RALB: variants seen among roughly 807,000 people sequenced by gnomAD.
RALB encodes the protein ras-related protein Ral-B.
RALB carries 16 observed loss-of-function variants against 21.3 expected under a neutral mutation model. The ratio of observed to expected loss-of-function variants is 0.75; its 90% CI spans 0.51 to 1.14. The LOEUF is 1.14. Among genes scored for constraint, RALB ranks in the 50% most tolerant of loss-of-function variants. The probability of loss-of-function intolerance (pLI) is 0.00; values close to 1 mark genes in which losing one functional copy is unlikely to be tolerated. For missense variants in RALB, 161 were observed against 256.2 expected (o/e 0.63, Z 2.54); for synonymous variants, 93 against 96.1 (o/e 0.97, Z 0.19).
intron 2 of RALB, chr2:120,280,727 A>G (rs1049721920): frequency 1.1e-5 from 3 of 263,058 alleles, no homozygotes; most frequent in Non-Finnish European, 2.2e-5. Context: ...AAAAAAAAAA[A>G]CTCATGTAGT....
intron 3 of RALB, among the ~76,000 whole-genome samples, chr2:120,287,066 G>C (rs1690183076): frequency 6.6e-6 from 1 of 152,186 alleles, no homozygotes. Flanking sequence ...CAGATCTAGA[G>C]TTTAGTAGGG....
At chr2:120,262,342 T>C (rs1296109161) in intron 1 of RALB, among the ~76,000 whole-genome samples, 3 of 152,120 alleles carry the variant, frequency 2.0e-5, no homozygotes, top group Admixed American at 6.5e-5. Flanking sequence ...ATCTGCTTGA[T>C]GTGGTGTCCC....
At chr2:120,258,421 T>C (rs113800183) in intron 1 of RALB, among the ~76,000 whole-genome samples, 56 of 152,194 alleles carry the variant, frequency 3.7e-4, no homozygotes, top group African/African-American at 1.3e-3. Flanking sequence ...GGAGGAGTCC[T>C]AGGTAGGAAA....
chr2:120,278,603 C>T lies in RALB; in HGVS notation c.-47-15C>T. On this transcript the variant is annotated splice_polypyrimidine_tract_variant and intron_variant, in intron 1 of 4. Coordinates refer to ENST00000272519, the MANE Select transcript of RALB (RefSeq NM_002881.3). ...AAGCAAATCGCCTCTAAGTCTTTGT[C>T]TTTGTCATCAGCAGCTCTTCAGTGG... The T allele has an allele frequency of 6.9e-7, 1 of 1,452,880 alleles. No individual in the cohort carries two copies. Among genetic ancestry groups the T allele is most frequent in the Non-Finnish European group, 9.1e-7 (1 of 1,097,446 alleles). The allele number at this position is 1,452,880 out of a possible 1,614,324, so 90.0% of individuals were successfully genotyped here. A position where few individuals can be genotyped will look rare whatever the true frequency, so the allele number is the denominator to read the frequency against.
At chr2:120,292,037 G>T (rs17050078) in intron 4 of RALB, among the ~76,000 whole-genome samples, 26,369 of 152,188 alleles carry the variant, frequency 0.17, 3,153 homozygotes, top group African/African-American at 0.34. Flanking sequence ...CTCTTCGTAG[G>T]ATTCATATTT....
intron 1 of RALB, among the ~76,000 whole-genome samples, chr2:120,263,436 G>A (rs1459429469): frequency 6.6e-6 from 1 of 152,224 alleles, no homozygotes; most frequent in Non-Finnish European, 1.5e-5. Context: ...GGGATTACAG[G>A]CATAAGCCAC....
intron 1 of RALB, among the ~76,000 whole-genome samples, chr2:120,266,385 C>A (rs893741588): frequency 1.3e-5 from 2 of 152,200 alleles, no homozygotes; most frequent in Non-Finnish European, 2.9e-5. Flanking sequence ...GCTGGGACTA[C>A]AGGTGTGTGC....
intron 1 of RALB, among the ~76,000 whole-genome samples, chr2:120,278,409 C>T (rs1689901027): frequency 6.6e-6 from 1 of 152,130 alleles, no homozygotes; most frequent in South Asian, 2.1e-4. Flanking sequence ...CTGTTTCTCC[C>T]CTCTAGCCTT....
intron 1 of RALB, among the ~76,000 whole-genome samples, chr2:120,245,130 C>T (rs922811788): frequency 6.6e-6 from 1 of 152,172 alleles, no homozygotes; most frequent in Non-Finnish European, 1.5e-5. Flanking sequence ...AGCATGGGCT[C>T]GTTGACTGAC....
rs1491419183 is a variant in RALB, at chr2:120,288,341, A to AGTTT, written c.324-1238_324-1235dup. 6.8e-5 allele frequency among the ~76,000 whole-genome samples: 4 copies of AGTTT among 58,888 alleles called. 1 individual carries two copies. The highest frequency in any genetic ancestry group is 7.3e-5 in the Non-Finnish European group (2 of 27,508). The allele number at this position is 58,888 out of a possible 152,430, so 38.6% of individuals were successfully genotyped here. A position where few individuals can be genotyped will look rare whatever the true frequency, so the allele number is the denominator to read the frequency against. On this transcript the variant is annotated intron_variant, in intron 3 of 4. Coordinates refer to ENST00000272519, the MANE Select transcript of RALB (RefSeq NM_002881.3). Reference sequence around the variant, plus strand: ...CTTAAATTGACTACATGAAAATTTTAGTTTTTTTTTTTGTTTTTTTTTTTG... The same window carrying AGTTT: ...CTTAAATTGACTACATGAAAATTTTAGTTTGTTTTTTTTTTTGTTTTTTTTTTTG...
chr2:120,292,017 T>G (rs927517054), intron 4 of RALB, among the ~76,000 whole-genome samples: 15 of 152,330 alleles, frequency 9.8e-5, no homozygotes, highest in Middle Eastern at 3.4e-3. Context: ...CTATGAGAAA[T>G]CTCAAATGTC....
intron 2 of RALB, chr2:120,280,836 A>C (rs1465094797): frequency 2.3e-6 from 1 of 433,992 alleles, no homozygotes. Flanking sequence ...TCTCTATAGG[A>C]ATGTTTCAAA....
intron 2 of RALB, among the ~76,000 whole-genome samples, chr2:120,283,996 G>A (rs2104650522): frequency 6.6e-6 from 1 of 152,302 alleles, no homozygotes; most frequent in South Asian, 2.1e-4. Flanking sequence ...TGGAACTCTG[G>A]CTGGCTTTAT....
At chr2:120,287,529 ACT>A (rs1160235641) in intron 3 of RALB, among the ~76,000 whole-genome samples, 4 of 152,036 alleles carry the variant, frequency 2.6e-5, no homozygotes, top group African/African-American at 9.7e-5. Context: ...AGATGCACAC[ACT>A]CTCTTCTTTT....
chr2:120,277,358 T>TGA (rs1358970604), intron 1 of RALB, among the ~76,000 whole-genome samples: 2 of 79,450 alleles, frequency 2.5e-5, no homozygotes, highest in African/African-American at 1.2e-4. Context: ...AACATGTGTG[T>TGA]GAGAGCATGT....
chr2:120,257,401 A>C (rs1286819949), intron 1 of RALB, among the ~76,000 whole-genome samples: 4 of 152,212 alleles, frequency 2.6e-5, no homozygotes, highest in African/African-American at 9.6e-5. Flanking sequence ...GCTCCAGATG[A>C]AATCTTCCTG....
intron 1 of RALB, among the ~76,000 whole-genome samples, chr2:120,264,448 G>A (rs1185114557): frequency 6.6e-6 from 1 of 152,128 alleles, no homozygotes; most frequent in African/African-American, 2.4e-5. Flanking sequence ...CACCACACCT[G>A]GCCTTGTCCT....
chr2:120,244,129 G>C (rs1423527122), intron 1 of RALB, among the ~76,000 whole-genome samples: 1 of 152,184 alleles, frequency 6.6e-6, no homozygotes, highest in Non-Finnish European at 1.5e-5. Context: ...CAAACAACCA[G>C]ATCTCGTGAA....
At chr2:120,250,380 C>G (rs1316302869), upstream of RALB, among the ~76,000 whole-genome samples, 2 of 152,162 alleles carry the variant, frequency 1.3e-5, no homozygotes, top group African/African-American at 4.8e-5. Context: ...CAAGAGAGCT[C>G]TGGAGGGTCT....
Sources: allele counts gnomAD v4.1 joint callset (sites outside exome capture counted in the v4.1 genomes callset), GRCh38; gene constraint gnomAD v4.1.1; transcripts MANE v1.5; gene names NCBI Gene and HGNC (gene_info 2026-07-23, HGNC 2026-07-21).